The following EML6 variants were observed in gnomAD, a reference collection of about 807,000 sequenced individuals.
EML6 encodes echinoderm microtubule-associated protein-like 6.
Under a neutral mutation model 240.1 loss-of-function variants are expected in EML6, and 154 were observed. That is an observed-to-expected ratio of 0.64 (90% CI 0.56 to 0.73). EML6 has a LOEUF of 0.73. EML6 is among the 30% of genes least tolerant of loss of function. The pLI is 0.00. For synonymous variants in EML6, 1,148 were observed against 899.0 expected (o/e 1.28, Z -4.95); for missense variants, 2,964 against 2,474.6 (o/e 1.20, Z -4.20).
At chr2:54,742,390 C>G (rs115148288) in intron 2 of EML6, among the ~76,000 whole-genome samples, 1 of 152,338 alleles carries the variant, frequency 6.6e-6, no homozygotes, top group African/African-American at 2.4e-5. Context: ...TCTCTGGAAT[C>G]TGAATTTGTG....
intron 2 of EML6, among the ~76,000 whole-genome samples, chr2:54,786,144 C>T (rs557730197): frequency 1.3e-5 from 2 of 151,990 alleles, no homozygotes; most frequent in East Asian, 3.9e-4. Flanking sequence ...AGAAGTCCCA[C>T]CGGGGCAGTA....
intron 2 of EML6, among the ~76,000 whole-genome samples, chr2:54,764,448 C>G (rs76689372): frequency 6.6e-6 from 1 of 152,014 alleles, no homozygotes; most frequent in Admixed American, 6.6e-5. Context: ...CCCTATTGCT[C>G]GTGAAACCTG....
At chr2:54,784,768 C>G (rs552709271) in intron 2 of EML6, among the ~76,000 whole-genome samples, 1 of 152,266 alleles carries the variant, frequency 6.6e-6, no homozygotes, top group East Asian at 1.9e-4. Context: ...GTGCACCTAT[C>G]AACCCATCAT....
Position 54,827,589 on chromosome 2 carries a change from C to T in EML6, c.549C>T (p.Ala183=), listed in dbSNP as rs764129807. The change falls in exon 6 of 42, where the codon GCC becomes GCT. Residue 183 remains alanine, a synonymous_variant. Transcript: ENST00000356458. ...HIKFWTLCGN[A]LTAKRGIFGK... is the part of the protein sequence containing the mutation. ...AGTTTTGGACACTGTGTGGAAATGC[C>T]CTGACTGCAAAAAGAGGGATATTTG... 3 of 1,551,418 alleles carry T rather than the reference C, an allele frequency of 1.9e-6. No individual in the cohort carries two copies. In the African/African-American group the frequency reaches 4.1e-5, roughly 21 times the overall value.
At chr2:54,957,733 C>T in intron 32 of EML6, 57 bp from the exon 33 acceptor site, 1 of 1,511,190 alleles carries the variant, frequency 6.6e-7, no homozygotes, top group Non-Finnish European at 9.0e-7. Flanking sequence ...GCTGCGGCTC[C>T]CCCGGCCTGG....
chr2:54,941,200 G>C lies in EML6; in HGVS notation c.4005-7682G>C, dbSNP rs116447348. ...GTTTCAATATTTTCAATGTATAGTG[G>C]TCAAATTGGTATCATTAGCATATCT... On this transcript the variant is annotated intron_variant, in intron 28 of 41. Coordinates refer to ENST00000356458, the MANE Select transcript of EML6 (RefSeq NM_001039753.4). Among the ~76,000 whole-genome samples the C allele has an allele frequency of 5.3e-3, 809 of 152,232 alleles. 3 individuals carry two copies. Among genetic ancestry groups the C allele is most frequent in the Non-Finnish European group, 7.8e-3 (530 of 68,010 alleles).
At chr2:54,739,435 T>C (rs1315144634) in intron 2 of EML6, among the ~76,000 whole-genome samples, 1 of 152,234 alleles carries the variant, frequency 6.6e-6, no homozygotes, top group African/African-American at 2.4e-5. Context: ...GAAGGTATAA[T>C]TTTTAATCTA....
At chr2:54,790,631 A>T (rs1419485346) in intron 2 of EML6, among the ~76,000 whole-genome samples, 1 of 152,076 alleles carries the variant, frequency 6.6e-6, no homozygotes, top group East Asian at 1.9e-4. Context: ...TTTTTGACGT[A>T]CTTATCACCA....
intron 29 of EML6, among the ~76,000 whole-genome samples, chr2:54,950,332 C>T (rs1169322101): frequency 1.3e-5 from 2 of 152,216 alleles, no homozygotes; most frequent in African/African-American, 4.8e-5. Context: ...AGACACAAAA[C>T]TGCTAGGTAC....
chr2:54,965,281 G>A (rs941605594), intron 38 of EML6, among the ~76,000 whole-genome samples: 12 of 152,214 alleles, frequency 7.9e-5, no homozygotes, highest in African/African-American at 2.9e-4. Flanking sequence ...GCGTTTGTGA[G>A]CTGGCCTGGA....
chr2:54,917,255 A>T (rs1268117039), intron 26 of EML6, among the ~76,000 whole-genome samples: 5 of 152,140 alleles, frequency 3.3e-5, no homozygotes, highest in Non-Finnish European at 5.9e-5. Context: ...ACAGATGAGG[A>T]ACTTAATATC....
intron 2 of EML6, among the ~76,000 whole-genome samples, chr2:54,805,848 G>T (rs1670442739): frequency 6.6e-6 from 1 of 152,072 alleles, no homozygotes; most frequent in South Asian, 2.1e-4. Flanking sequence ...GGAAGAGTAA[G>T]GTTCACTTTT....
At chr2:54,819,594 G>A (rs1668233314) in intron 4 of EML6, among the ~76,000 whole-genome samples, 1 of 152,028 alleles carries the variant, frequency 6.6e-6, no homozygotes, top group African/African-American at 2.4e-5. Flanking sequence ...TGACCAACAT[G>A]GTGAAACCCC....
At chr2:54,959,743 CAA>C in intron 34 of EML6, among the ~76,000 whole-genome samples, 1 of 152,040 alleles carries the variant, frequency 6.6e-6, no homozygotes, top group East Asian at 1.9e-4. Context: ...GCCTGGGCGA[CAA>C]GAGTGAAACT....
chr2:54,788,979 C>T (rs1056411514), intron 2 of EML6, among the ~76,000 whole-genome samples: 1 of 152,192 alleles, frequency 6.6e-6, no homozygotes, highest in Non-Finnish European at 1.5e-5. Flanking sequence ...CCCCCTTTGC[C>T]ACTTGCTTAC....
intron 8 of EML6, among the ~76,000 whole-genome samples, chr2:54,844,773 C>T (rs1020642082): frequency 2.4e-4 from 37 of 152,170 alleles, no homozygotes; most frequent in African/African-American, 8.2e-4. Flanking sequence ...GTAGTTTACT[C>T]GGAGCCTCCA....
At chr2:54,838,482 C>A (rs929176363) in intron 7 of EML6, among the ~76,000 whole-genome samples, 3 of 152,110 alleles carry the variant, frequency 2.0e-5, no homozygotes, top group African/African-American at 4.8e-5. Context: ...GTATATAAAT[C>A]CAGTTCATAT....
At chr2:54,920,695 G>C (rs1034809369) in intron 26 of EML6, among the ~76,000 whole-genome samples, 5 of 152,084 alleles carry the variant, frequency 3.3e-5, no homozygotes, top group Admixed American at 2.6e-4. Context: ...ACCAAAACCA[G>C]ATAAGGACAT....
chr2:54,803,536 A>G (rs539426086), intron 2 of EML6, among the ~76,000 whole-genome samples: 9 of 152,208 alleles, frequency 5.9e-5, no homozygotes, highest in African/African-American at 1.7e-4. Context: ...TTAGGTACCA[A>G]TTAGTGAAGT....
Sources: allele counts gnomAD v4.1 joint callset (sites outside exome capture counted in the v4.1 genomes callset), GRCh38; gene constraint gnomAD v4.1.1; transcripts MANE v1.5; gene names NCBI Gene and HGNC (gene_info 2026-07-23, HGNC 2026-07-21).